CNTLN: variants seen among roughly 807,000 people sequenced by gnomAD.
CNTLN encodes centlein.
In CNTLN, 212 loss-of-function variants were observed where a neutral mutation model predicts 180.0. That is an observed-to-expected ratio of 1.18 (90% CI 1.05 to 1.32). The LOEUF (loss-of-function observed/expected upper bound fraction) is 1.32. CNTLN is among the 40% of genes most tolerant of loss of function. The probability of loss-of-function intolerance (pLI) is 0.00; values close to 1 mark genes in which losing one functional copy is unlikely to be tolerated. For missense variants in CNTLN, 2,095 were observed against 1,610.9 expected, an observed-to-expected ratio of 1.30 and a Z score of -5.14; for synonymous variants, 722 against 563.1, an observed-to-expected ratio of 1.28 and a Z score of -3.99.
chr9:17,484,927 C>T (rs1013483805), intron 24 of CNTLN, among the ~76,000 whole-genome samples: 33 of 152,182 alleles, frequency 2.2e-4, no homozygotes, highest in African/African-American at 7.5e-4. Context: ...TATTATTCAC[C>T]AGTATACGCT....
At chr9:17,242,688 C>T (rs1004356111) in intron 5 of CNTLN, among the ~76,000 whole-genome samples, 2 of 152,122 alleles carry the variant, frequency 1.3e-5, no homozygotes, top group African/African-American at 4.8e-5. Context: ...GTTAAACCAT[C>T]CTTGCATCCC....
chr9:17,440,997 G>A (rs1404413992), intron 18 of CNTLN, among the ~76,000 whole-genome samples: 2 of 152,216 alleles, frequency 1.3e-5, no homozygotes, highest in African/African-American at 4.8e-5. Context: ...CAATTAGTGT[G>A]TGGTGATAAT....
intron 1 of CNTLN, among the ~76,000 whole-genome samples, chr9:17,140,402 C>T (rs1203178264): frequency 6.6e-6 from 1 of 151,880 alleles, no homozygotes; most frequent in African/African-American, 2.4e-5. Flanking sequence ...TTTAAGTGCT[C>T]TCATCACAAA....
chr9:17,521,308 A>G, the CNTLN span, among the ~76,000 whole-genome samples: 2 of 138,108 alleles, frequency 1.4e-5, no homozygotes, highest in South Asian at 2.3e-4. Flanking sequence ...AATGGAACAT[A>G]AAGAATGGTA....
intron 15 of CNTLN, among the ~76,000 whole-genome samples, chr9:17,396,720 A>G (rs1826555084): frequency 6.6e-6 from 1 of 152,212 alleles, no homozygotes; most frequent in Non-Finnish European, 1.5e-5. Flanking sequence ...ATTAAATTAT[A>G]ACCTTTGGAG....
Position 17,226,254 on chromosome 9 carries a change from A to T in CNTLN, c.501A>T (p.Gln167His), listed in dbSNP as rs758252962. 1.9e-6 allele frequency: 3 copies of T among 1,580,248 alleles called. No homozygotes were observed. Among genetic ancestry groups the T allele is most frequent in the East Asian group, 4.6e-5 (2 of 43,452 alleles). Residue 167 changes from glutamine to histidine, a missense_variant, in exon 3 of 26, where the codon CAA becomes CAT. Coordinates refer to ENST00000380647, the MANE Select transcript of CNTLN (RefSeq NM_017738.4). ...ACAGAAAAGTTCTAGAAATTCTGCA[A>T]GTCAAGGATGCCAAAATACAAGAAT... The part of the protein sequence containing the change: ...AKDRKVLEIL[Q>H]VKDAKIQEFE...
intron 14 of CNTLN, 25 bp from the exon 15 acceptor site, chr9:17,394,509 T>TA: frequency 7.0e-7 from 1 of 1,435,052 alleles, no homozygotes; most frequent in Non-Finnish European, 9.4e-7. Context: ...TTTGGATTCT[T>TA]AAAAGAATAA....
At chr9:17,312,558 T>G (rs1202647853) in intron 8 of CNTLN, among the ~76,000 whole-genome samples, 2 of 126,256 alleles carry the variant, frequency 1.6e-5, no homozygotes, top group East Asian at 4.2e-4. Context: ...GGCTAATTTT[T>G]TTTTTTTTTT....
At chr9:17,218,708 T>C (rs888918823) in intron 2 of CNTLN, among the ~76,000 whole-genome samples, 3 of 152,314 alleles carry the variant, frequency 2.0e-5, no homozygotes, top group East Asian at 3.9e-4. Context: ...TTATTTTGTG[T>C]GTTATTTATG....
At chr9:17,148,360 G>A (rs1347927642) in intron 2 of CNTLN, among the ~76,000 whole-genome samples, 3 of 152,174 alleles carry the variant, frequency 2.0e-5, no homozygotes, top group Non-Finnish European at 4.4e-5. Context: ...AAGGGGTTAG[G>A]TTCCTGTAAG....
intron 24 of CNTLN, among the ~76,000 whole-genome samples, chr9:17,486,455 C>G (rs1832891483): frequency 6.6e-6 from 1 of 151,944 alleles, no homozygotes; most frequent in African/African-American, 2.4e-5. Context: ...GTTGAAAATA[C>G]TTTGTGACCT....
chr9:17,155,200 C>A (rs555130191), intron 2 of CNTLN, among the ~76,000 whole-genome samples: 2 of 152,284 alleles, frequency 1.3e-5, no homozygotes, highest in African/African-American at 4.8e-5. Context: ...AGAACTGTAA[C>A]ACTCACCGCG....
At chr9:17,431,346 C>G (rs1829408833) in intron 18 of CNTLN, among the ~76,000 whole-genome samples, 1 of 151,814 alleles carries the variant, frequency 6.6e-6, no homozygotes, top group Non-Finnish European at 1.5e-5. Flanking sequence ...CCATTTATGT[C>G]TTTTTTTAGA....
At chr9:17,200,757 A>T (rs1822465417) in intron 2 of CNTLN, among the ~76,000 whole-genome samples, 1 of 152,076 alleles carries the variant, frequency 6.6e-6, no homozygotes, top group South Asian at 2.1e-4. Flanking sequence ...GGGTTTTCTA[A>T]ATATACAATC....
At chr9:17,145,189 T>G (rs1818373461) in intron 2 of CNTLN, among the ~76,000 whole-genome samples, 1 of 152,192 alleles carries the variant, frequency 6.6e-6, no homozygotes, top group Non-Finnish European at 1.5e-5. Flanking sequence ...CCTGATCTAC[T>G]GAATCTCTAG....
At chr9:17,400,076 C>T (rs1489867709) in intron 15 of CNTLN, among the ~76,000 whole-genome samples, 1 of 152,096 alleles carries the variant, frequency 6.6e-6, no homozygotes, top group African/African-American at 2.4e-5. Context: ...GGTGTCTCAG[C>T]CAAGAACATA....
At chr9:17,136,802 G>A (rs1381369560) in intron 1 of CNTLN, among the ~76,000 whole-genome samples, 1 of 152,148 alleles carries the variant, frequency 6.6e-6, no homozygotes, top group Non-Finnish European at 1.5e-5. Context: ...AAGGAGCAAA[G>A]GGATAAATAA....
At chr9:17,211,230 G>A (rs373900020) in intron 2 of CNTLN, among the ~76,000 whole-genome samples, 9 of 152,242 alleles carry the variant, frequency 5.9e-5, no homozygotes, top group East Asian at 5.8e-4. Context: ...ATTAATTTTA[G>A]TACAAGGTGT....
the CNTLN span, among the ~76,000 whole-genome samples, chr9:17,511,477 C>T: frequency 1.7e-4 from 26 of 152,304 alleles, no homozygotes; most frequent in East Asian, 4.2e-3. Flanking sequence ...CAGAAGGATT[C>T]ACTTCCTAGC....
Sources: gnomAD v4.1 joint callset for allele counts (sites outside exome capture counted in the v4.1 genomes callset) on GRCh38, gnomAD v4.1.1 for gene constraint, MANE v1.5 for transcripts, NCBI Gene and HGNC (gene_info 2026-07-23, HGNC 2026-07-21) for gene names.